MARCHF1: variants seen among roughly 807,000 people sequenced by gnomAD.
MARCHF1 encodes the protein E3 ubiquitin-protein ligase MARCHF1.
Under a neutral mutation model 54.2 loss-of-function variants are expected in MARCHF1, and 40 were observed. That is an observed-to-expected ratio of 0.74 (90% CI 0.57 to 0.96). The LOEUF (loss-of-function observed/expected upper bound fraction) is 0.96. Ranked by LOEUF, MARCHF1 falls within the 40% of genes least tolerant of loss-of-function variation. MARCHF1 has a pLI of 0.00. For missense variants in MARCHF1, 586 were observed against 656.5 expected (o/e 0.89, Z 1.17); for synonymous variants, 236 against 236.3 (o/e 1.00, Z 0.01).
At chr4:163,676,585 A>G (rs929698141) in intron 5 of MARCHF1, among the ~76,000 whole-genome samples, 7 of 152,018 alleles carry the variant, frequency 4.6e-5, no homozygotes, top group Non-Finnish European at 7.4e-5. Flanking sequence ...TACTTCTACA[A>G]AATAAATAAC....
At chr4:163,682,891 C>T (rs868512878) in intron 5 of MARCHF1, among the ~76,000 whole-genome samples, 1 of 152,118 alleles carries the variant, frequency 6.6e-6, no homozygotes, top group Non-Finnish European at 1.5e-5. Flanking sequence ...ATTACTCAGT[C>T]TTGGGTACGT....
intron 1 of MARCHF1, among the ~76,000 whole-genome samples, chr4:164,172,394 T>C (rs1730549894): frequency 6.6e-6 from 1 of 152,200 alleles, no homozygotes. Context: ...TTACCTTCTT[T>C]GTTCTAAGCA....
chr4:164,291,602 G>A lies in MARCHF1; in HGVS notation c.-323+92268C>T, dbSNP rs538918906. 2.6e-5 allele frequency among the ~76,000 whole-genome samples: 4 copies of A among 152,042 alleles called. No individual in the cohort carries two copies. In the South Asian group the frequency reaches 8.3e-4, roughly 32 times the overall value. On this transcript the variant is annotated intron_variant, in intron 1 of 9. Coordinates refer to ENST00000514618, the MANE Select transcript of MARCHF1 (RefSeq NM_001394959.1). The stretch of plus-strand genomic sequence containing the variant: ...ATGTGCACTTCCACAAACCTGGATG[G>A]TATAGCCTACTCCATACCCAGGATA...
At chr4:163,733,142 ACTCCATTT>A (rs1300871430) in intron 4 of MARCHF1, among the ~76,000 whole-genome samples, 1 of 122,244 alleles carries the variant, frequency 8.2e-6, no homozygotes, top group Non-Finnish European at 1.7e-5. Context: ...ACAGAGCAAG[ACTCCATTT>A]CTCTCTCTCT....
chr4:164,351,373 T>C (rs1366849677), intron 1 of MARCHF1, among the ~76,000 whole-genome samples: 1 of 151,162 alleles, frequency 6.6e-6, no homozygotes, highest in Admixed American at 6.6e-5. Context: ...TCTGACAGCT[T>C]TGAAGAGAGC....
chr4:163,694,942 G>A (rs140755138), intron 5 of MARCHF1, among the ~76,000 whole-genome samples: 2 of 152,092 alleles, frequency 1.3e-5, no homozygotes, highest in African/African-American at 4.8e-5. Flanking sequence ...CCTTAACTCA[G>A]GGTCTCTGAA....
intron 1 of MARCHF1, among the ~76,000 whole-genome samples, chr4:164,300,096 G>T (rs926179168): frequency 1.3e-5 from 2 of 152,038 alleles, no homozygotes; most frequent in Non-Finnish European, 2.9e-5. Flanking sequence ...ACCTTTTCTA[G>T]AACCAGAACA....
At chr4:164,263,209 G>A (rs565197359) in intron 1 of MARCHF1, among the ~76,000 whole-genome samples, 221 of 152,102 alleles carry the variant, frequency 1.5e-3, no homozygotes, top group South Asian at 3.5e-3. Context: ...GAAACACTAA[G>A]AGAAAAATTA....
intron 3 of MARCHF1, among the ~76,000 whole-genome samples, chr4:163,947,852 TC>T (rs1282351603): frequency 6.6e-6 from 1 of 152,236 alleles, no homozygotes; most frequent in Non-Finnish European, 1.5e-5. Context: ...ACCATAGTTT[TC>T]CATTTCATAT....
intron 1 of MARCHF1, among the ~76,000 whole-genome samples, chr4:164,183,832 G>C (rs966951713): frequency 6.6e-6 from 1 of 152,068 alleles, no homozygotes; most frequent in Non-Finnish European, 1.5e-5. Flanking sequence ...CATATAACAG[G>C]GACATTTAAT....
intron 4 of MARCHF1, among the ~76,000 whole-genome samples, chr4:163,820,014 TA>T (rs550851530): frequency 1.3e-5 from 2 of 152,130 alleles, no homozygotes; most frequent in Admixed American, 1.3e-4. Context: ...CAATAATTTT[TA>T]AAAAATACCG....
At chr4:163,582,735 T>C (rs941397912) in intron 8 of MARCHF1, among the ~76,000 whole-genome samples, 20 of 150,942 alleles carry the variant, frequency 1.3e-4, no homozygotes, top group Admixed American at 6.6e-5. Flanking sequence ...CCAAATGCTA[T>C]AGCTAGCATT....
At chr4:163,720,873 G>T (rs921375182) in intron 4 of MARCHF1, among the ~76,000 whole-genome samples, 1 of 152,214 alleles carries the variant, frequency 6.6e-6, no homozygotes, top group Non-Finnish European at 1.5e-5. Context: ...TTTGCACACT[G>T]ATTTTGTATC....
chr4:163,776,544 T>C (rs1478162611), intron 4 of MARCHF1, among the ~76,000 whole-genome samples: 1 of 152,124 alleles, frequency 6.6e-6, no homozygotes, highest in South Asian at 2.1e-4. Flanking sequence ...AAATATGTAG[T>C]GCATTTTGCC....
chr4:164,057,283 A>G (rs1754514433), intron 2 of MARCHF1, among the ~76,000 whole-genome samples: 1 of 152,200 alleles, frequency 6.6e-6, no homozygotes, highest in South Asian at 2.1e-4. Flanking sequence ...AAGAATATCC[A>G]CCAATTAAGC....
At chr4:164,368,081 C>A in intron 1 of MARCHF1, among the ~76,000 whole-genome samples, 1 of 145,276 alleles carries the variant, frequency 6.9e-6, no homozygotes, top group East Asian at 2.1e-4. Flanking sequence ...CCCAAGAAAT[C>A]AGAAAATAGA....
intron 1 of MARCHF1, chr4:164,197,699 T>C (rs762110812): frequency 1.2e-6 from 2 of 1,612,274 alleles, no homozygotes; most frequent in Non-Finnish European, 8.5e-7. Context: ...TGAATCCGTC[T>C]GCCCATCTCC....
chr4:163,705,784 A>G (rs1448955722), intron 4 of MARCHF1, among the ~76,000 whole-genome samples: 1 of 152,038 alleles, frequency 6.6e-6, no homozygotes, highest in South Asian at 2.1e-4. Context: ...GGTGCTTGCT[A>G]TAATTATTCA....
At chr4:163,911,059 T>G (rs901701342) in intron 3 of MARCHF1, among the ~76,000 whole-genome samples, 2 of 152,154 alleles carry the variant, frequency 1.3e-5, no homozygotes, top group Non-Finnish European at 2.9e-5. Context: ...TGTGGAGAAT[T>G]TTTTAAATTC....
Sources: allele counts gnomAD v4.1 joint callset (sites outside exome capture counted in the v4.1 genomes callset), GRCh38; gene constraint gnomAD v4.1.1; transcripts MANE v1.5; gene names NCBI Gene and HGNC (gene_info 2026-07-23, HGNC 2026-07-21).